Variants in NADK observed in about 807,000 individuals in gnomAD.
NADK encodes poly(P)/ATP NAD kinase.
Under a neutral mutation model 49.8 loss-of-function variants are expected in NADK, and 22 were observed. The ratio of observed to expected loss-of-function variants is 0.44; its 90% CI spans 0.32 to 0.63. The LOEUF is 0.63. Ranked by LOEUF, NADK falls within the 30% of genes least tolerant of loss-of-function variation. The pLI, the probability that NADK is intolerant of heterozygous loss-of-function variation, is 0.06. For synonymous variants in NADK, 268 were observed against 253.7 expected (o/e 1.06, Z -0.54); for missense variants, 438 against 609.4 (o/e 0.72, Z 2.96).
intron 3 of NADK, chr1:1,759,020 G>T: frequency 1.4e-6 from 2 of 1,427,292 alleles, no homozygotes; most frequent in Non-Finnish European, 1.9e-6. Context: ...GTGGCTCACG[G>T]TCCTCCGGCC....
chr1:1,760,428 C>G (rs184534099), intron 3 of NADK, among the ~76,000 whole-genome samples: 1 of 152,222 alleles, frequency 6.6e-6, no homozygotes, highest in East Asian at 1.9e-4. Context: ...ATGACTCCCC[C>G]GTGGCTCCTG....
Position 1,752,839 on chromosome 1 carries a change from T to C in NADK, c.*65A>G, listed in dbSNP as rs1445194852. ...ACAGGCGGTCACAGACACACGCAGA[T>C]TGGTCTGTCCCCAGAGGGCGCTTGG... On this transcript the variant is annotated 3_prime_UTR_variant, in exon 12 of 12. Coordinates refer to ENST00000341426, the MANE Select transcript of NADK (RefSeq NM_023018.5). 1.1e-5 allele frequency: 17 copies of C among 1,542,980 alleles called. No individual in the cohort carries two copies. In the South Asian group the frequency reaches 1.7e-4, roughly 16 times the overall value.
chr1:1,756,597 G>C lies in NADK; in HGVS notation c.405C>G (p.Ile135Met). 6.2e-7 allele frequency: 1 copy of C among 1,614,006 alleles called. No individual in the cohort carries two copies. The highest frequency in any genetic ancestry group is 2.2e-5 in the East Asian group (1 of 44,864). Residue 135 changes from isoleucine to methionine, a missense_variant, in exon 5 of 12, where the codon ATC (isoleucine) becomes ATG (methionine). Coordinates refer to ENST00000341426, the MANE Select transcript of NADK (RefSeq NM_023018.5). ...CTAGCACTTTCTTTTCCACATACACGATCATGTTCTCCTGGAAGCAAAGTG... is the reference window on the plus strand; with the variant it reads ...CTAGCACTTTCTTTTCCACATACACCATCATGTTCTCCTGGAAGCAAAGTG... ...LCTHLMEENM[I>M]VYVEKKVLED...
Position 1,756,279 on chromosome 1 carries a change from C to A in NADK, c.564G>T (p.Leu188=). 1 of 1,614,158 alleles carries A rather than the reference C, an allele frequency of 6.2e-7. No individual in the cohort carries two copies. Among genetic ancestry groups the A allele is most frequent in the Non-Finnish European group, 8.5e-7 (1 of 1,179,998 alleles). Residue 188 remains leucine, a synonymous_variant, in exon 6 of 12, where the codon CTG becomes CTT. Transcript: ENST00000341426. The part of the protein sequence containing the change: ...IICLGGDGTL[L]YASSLFQGSV... ...TCACCTGGAAAAGCGAGGAAGCGTA[C>A]AGCAGCGTCCCGTCTCCCCCCAGGC... is the stretch of plus-strand genomic sequence containing the variant.
At chr1:1,759,554 G>C (rs938331475) in intron 3 of NADK, among the ~76,000 whole-genome samples, 1 of 152,204 alleles carries the variant, frequency 6.6e-6, no homozygotes, top group African/African-American at 2.4e-5. Flanking sequence ...GCCCCCACAG[G>C]GTCTTGCTCT....
intron 2 of NADK, among the ~76,000 whole-genome samples, chr1:1,762,727 A>G (rs762941890): frequency 4.6e-5 from 7 of 152,142 alleles, no homozygotes; most frequent in Non-Finnish European, 8.8e-5. Context: ...ACTGTACTCC[A>G]GCCTGGCTGA....
intron 1 of NADK, among the ~76,000 whole-genome samples, chr1:1,769,156 G>A (rs1378077282): frequency 5.3e-5 from 8 of 152,278 alleles, no homozygotes; most frequent in Admixed American, 5.2e-4. Context: ...GGTGGCTCAC[G>A]CCTGTAATCC....
intron 7 of NADK, 150 bp downstream of exon 7, chr1:1,755,224 T>G (rs1452355722): frequency 6.2e-5 from 42 of 678,234 alleles, no homozygotes; most frequent in Non-Finnish European, 7.0e-5. Flanking sequence ...AGTAAAAGGT[T>G]TGAACCACTC....
intron 1 of NADK, among the ~76,000 whole-genome samples, chr1:1,767,706 G>T (rs1343794522): frequency 6.6e-6 from 1 of 152,122 alleles, no homozygotes; most frequent in Non-Finnish European, 1.5e-5. Context: ...TAGAGACAAG[G>T]TCTCTCTGTG....
rs1029258396 is a variant in NADK at position 1,755,463 on chromosome 1, G to A, written c.599C>T (p.Pro200Leu). ...GGAGCCCAGGTGGAAGGCCATGACC[G>A]GAGGGACGCTGCCCTGTGAGCCGAC... ...ASSLFQGSVP[P>L]VMAFHLGSLG... The change falls in exon 7 of 12, where the codon CCG (proline) becomes CTG (leucine). Residue 200 changes from proline (P) to leucine (L), a missense_variant. Coordinates refer to ENST00000341426, the MANE Select transcript of NADK (RefSeq NM_023018.5). The A allele has an allele frequency of 6.2e-6, 10 of 1,613,626 alleles. No homozygotes were observed. The highest frequency in any genetic ancestry group is 4.5e-5 in the East Asian group (2 of 44,882).
At chr1:1,761,004 T>C (rs961509678) in intron 3 of NADK, among the ~76,000 whole-genome samples, 5 of 152,180 alleles carry the variant, frequency 3.3e-5, no homozygotes, top group African/African-American at 9.7e-5. Flanking sequence ...AATTTTTGTA[T>C]TTTTCTGAGT....
At chr1:1,775,413 C>G (rs1646183893) in intron 1 of NADK, among the ~76,000 whole-genome samples, 1 of 152,204 alleles carries the variant, frequency 6.6e-6, no homozygotes, top group Non-Finnish European at 1.5e-5. Context: ...AAAAAACTTA[C>G]TGCCCACTAA....
At chr1:1,769,064 G>A (rs1235366494) in intron 1 of NADK, among the ~76,000 whole-genome samples, 1 of 152,206 alleles carries the variant, frequency 6.6e-6, no homozygotes, top group Non-Finnish European at 1.5e-5. Context: ...CTCCCCAGAA[G>A]ATTCTAATGT....
chr1:1,771,717 T>C (rs1452829165), intron 1 of NADK, among the ~76,000 whole-genome samples: 1 of 152,150 alleles, frequency 6.6e-6, no homozygotes, highest in Non-Finnish European at 1.5e-5. Context: ...TTCCTCATAC[T>C]ACATACAAAT....
rs760565905 is a variant in NADK at position 1,754,613 on chromosome 1, C to A, written c.774G>T (p.Gly258=). Residue 258 remains glycine (G), a synonymous_variant, in exon 8 of 12, where the codon GGG becomes GGT. Coordinates refer to ENST00000341426, the MANE Select transcript of NADK (RefSeq NM_023018.5). The surrounding 1 kb of genome is among the most constrained non-coding windows in gnomAD (Gnocchi z 4.3). ...CAGCCTGCGAGCCGTTCTCACCCAG[C>A]CCATTGTGCACGGCCGTCTTCTTCC... is the stretch of plus-strand genomic sequence containing the variant. The part of the protein sequence containing the change: ...LRGKKTAVHN[G]LGENGSQAAG... The A allele has an allele frequency of 1.2e-6, 2 of 1,613,948 alleles. No individual in the cohort carries two copies. The highest frequency in any genetic ancestry group is 1.7e-6 in the Non-Finnish European group (2 of 1,179,918).
At chr1:1,777,384 C>T (rs537323751) in intron 1 of NADK, among the ~76,000 whole-genome samples, 102 of 152,054 alleles carry the variant, frequency 6.7e-4, no homozygotes, top group Non-Finnish European at 1.3e-3. Flanking sequence ...GACAAGATGA[C>T]ATCAGGAGGA....
intron 3 of NADK, chr1:1,759,692 C>G (rs767657349): frequency 6.5e-7 from 1 of 1,540,654 alleles, no homozygotes; most frequent in Non-Finnish European, 8.8e-7. Flanking sequence ...ATGGGGGTGC[C>G]GAGAAAGCTG....
chr1:1,752,687 A>T lies in NADK; in HGVS notation c.*217T>A. On this transcript the variant is annotated 3_prime_UTR_variant, in exon 12 of 12. Transcript: ENST00000341426. ...GTGTCAGCAGGACAGAAGCACTCCCAGCCCATTTCTCACGCTTCTTTAGAA... is the reference window on the plus strand; with the variant it reads ...GTGTCAGCAGGACAGAAGCACTCCCTGCCCATTTCTCACGCTTCTTTAGAA... The T allele has an allele frequency of 1.8e-6, 1 of 565,082 alleles. No homozygotes were observed. The highest frequency in any genetic ancestry group is 3.0e-6 in the Non-Finnish European group (1 of 331,258). The allele number at this position is 565,082 out of a possible 1,614,324, so 35.0% of individuals were successfully genotyped here. A position where few individuals can be genotyped will look rare whatever the true frequency, so the allele number is the denominator to read the frequency against.
chr1:1,764,855 T>C (rs1645835656), intron 2 of NADK, among the ~76,000 whole-genome samples: 1 of 152,164 alleles, frequency 6.6e-6, no homozygotes, highest in Non-Finnish European at 1.5e-5. Flanking sequence ...GAGCCAAGAT[T>C]GCGCCACTGC....
Sources: allele counts gnomAD v4.1 joint callset (sites outside exome capture counted in the v4.1 genomes callset), GRCh38; gene constraint gnomAD v4.1.1; non-coding constraint Gnocchi (gnomAD v3.1); transcripts MANE v1.5; gene names NCBI Gene and HGNC (gene_info 2026-07-23, HGNC 2026-07-21).